Variants in MSI2 observed in about 807,000 individuals in gnomAD.
MSI2 encodes the protein musashi RNA binding protein 2.
A neutral mutation model predicts 45.6 loss-of-function variants in MSI2; 17 were observed. The observed-to-expected ratio is 0.37, with a 90% CI of 0.26 to 0.56. The LOEUF is 0.56. Ranked by LOEUF, MSI2 falls within the 20% of genes least tolerant of loss-of-function variation. The pLI is 0.77. For synonymous variants in MSI2, 156 were observed against 158.2 expected, an observed-to-expected ratio of 0.99 and a Z score of 0.11; for missense variants, 293 against 444.2, an observed-to-expected ratio of 0.66 and a Z score of 3.06.
At chr17:57,448,565 T>C (rs12601123) in intron 6 of MSI2, 68,186 of 152,094 alleles carry the variant, frequency 0.45, 17,376 homozygotes, top group South Asian at 0.69. Context: ...ACAAACATTC[T>C]ATGCTGGTTG....
At chr17:57,282,161 T>C (rs930353562) in intron 5 of MSI2, among the ~76,000 whole-genome samples, 1 of 152,118 alleles carries the variant, frequency 6.6e-6, no homozygotes, top group African/African-American at 2.4e-5. Context: ...GGTGACGGGT[T>C]CATTTCAAAC....
chr17:57,431,644 T>G (rs971775110), intron 6 of MSI2, among the ~76,000 whole-genome samples: 21 of 152,208 alleles, frequency 1.4e-4, no homozygotes, highest in African/African-American at 5.1e-4. Context: ...TGGAGCTGTT[T>G]GTCCAAGATC....
intron 7 of MSI2, among the ~76,000 whole-genome samples, chr17:57,541,916 G>A (rs1420659033): frequency 6.6e-6 from 1 of 152,136 alleles, no homozygotes; most frequent in African/African-American, 2.4e-5. Flanking sequence ...GTTGGTGCCT[G>A]CGTTCTAGCA....
intron 6 of MSI2, among the ~76,000 whole-genome samples, chr17:57,474,456 A>C (rs1319035742): frequency 6.6e-6 from 1 of 152,074 alleles, no homozygotes; most frequent in African/African-American, 2.4e-5. Context: ...TGTCGTGGGC[A>C]CTGTCCTGTG....
intron 5 of MSI2, among the ~76,000 whole-genome samples, chr17:57,379,322 C>T (rs565542809): frequency 3.9e-5 from 6 of 152,094 alleles, no homozygotes; most frequent in African/African-American, 1.2e-4. Flanking sequence ...TTTTCCCTCC[C>T]GCCCACCCTG....
intron 7 of MSI2, among the ~76,000 whole-genome samples, chr17:57,594,066 G>A (rs181343879): frequency 6.6e-6 from 1 of 152,328 alleles, no homozygotes; most frequent in East Asian, 1.9e-4. Context: ...TCAGACCCTG[G>A]AGGAGCAGAA....
At chr17:57,698,590 G>A in the MSI2 span, among the ~76,000 whole-genome samples, 4 of 152,228 alleles carry the variant, frequency 2.6e-5, no homozygotes, top group East Asian at 5.8e-4. Context: ...TGCAGGGTGC[G>A]CCTTCCGTGG....
At chr17:57,269,636 G>A (rs139474485) in intron 5 of MSI2, among the ~76,000 whole-genome samples, 2 of 152,152 alleles carry the variant, frequency 1.3e-5, no homozygotes, top group Admixed American at 1.3e-4. Flanking sequence ...CTTAACAAGG[G>A]ACCATGATAT....
chr17:57,534,800 C>G (rs1445570277), intron 7 of MSI2, among the ~76,000 whole-genome samples: 1 of 152,198 alleles, frequency 6.6e-6, no homozygotes, highest in Non-Finnish European at 1.5e-5. Context: ...ATGATTTGTG[C>G]CCAGGGGGAG....
intron 11 of MSI2, among the ~76,000 whole-genome samples, chr17:57,662,859 A>G (rs1015891305): frequency 6.6e-6 from 1 of 152,210 alleles, no homozygotes; most frequent in Non-Finnish European, 1.5e-5. Context: ...CACTCAGACC[A>G]ATGTCAGACA....
intron 6 of MSI2, among the ~76,000 whole-genome samples, chr17:57,431,283 G>C (rs1361408878): frequency 1.3e-5 from 2 of 152,200 alleles, no homozygotes; most frequent in Non-Finnish European, 2.9e-5. Flanking sequence ...ACAAAAATCA[G>C]AGCCCTGTGG....
At chr17:57,513,012 C>G (rs1032096885) in intron 6 of MSI2, among the ~76,000 whole-genome samples, 1 of 127,670 alleles carries the variant, frequency 7.8e-6, no homozygotes, top group Non-Finnish European at 1.6e-5. Flanking sequence ...CTCACTCTGT[C>G]TCCCAGGCTG....
rs189329102 is a variant in MSI2, at chr17:57,503,103, C to A, written c.406-26573C>A. Among the ~76,000 whole-genome samples the A allele has an allele frequency of 5.3e-5, 8 of 152,222 alleles. No homozygotes were observed. The East Asian group carries it at 1.5e-3, about 29-fold the overall frequency. On this transcript the variant is annotated intron_variant, in intron 6 of 13. Coordinates refer to ENST00000284073, the MANE Select transcript of MSI2 (RefSeq NM_138962.4). ...TATCTCCGTCTGTTCCATTGATTGTCCCCAGTTGGCTTTTCCCAAGCTGTC... is the reference window on the plus strand; with the variant it reads ...TATCTCCGTCTGTTCCATTGATTGTACCCAGTTGGCTTTTCCCAAGCTGTC...
chr17:57,332,918 G>A (rs988615776), intron 5 of MSI2, among the ~76,000 whole-genome samples: 2 of 152,062 alleles, frequency 1.3e-5, no homozygotes, highest in African/African-American at 2.4e-5. Context: ...CCAGCTACTC[G>A]GGAGGCTGAG....
At chr17:57,314,373 G>C (rs892137645) in intron 5 of MSI2, among the ~76,000 whole-genome samples, 10 of 152,226 alleles carry the variant, frequency 6.6e-5, no homozygotes, top group Non-Finnish European at 1.3e-4. Flanking sequence ...TTTTCAAGGA[G>C]ATGGAGTAAT....
chr17:57,669,471 G>T (rs1198400408), intron 11 of MSI2, among the ~76,000 whole-genome samples: 7 of 152,254 alleles, frequency 4.6e-5, no homozygotes, highest in Non-Finnish European at 1.0e-4. Flanking sequence ...TTCCCCAACT[G>T]CCTGGAGGAG....
intron 6 of MSI2, among the ~76,000 whole-genome samples, chr17:57,488,162 A>C (rs1342970206): frequency 6.6e-6 from 1 of 152,082 alleles, no homozygotes; most frequent in African/African-American, 2.4e-5. Flanking sequence ...ATTCCTCCAG[A>C]GGGTGGTACT....
the MSI2 span, among the ~76,000 whole-genome samples, chr17:57,696,167 G>A: frequency 6.6e-6 from 1 of 152,194 alleles, no homozygotes; most frequent in Non-Finnish European, 1.5e-5. Context: ...ACCCACTGCT[G>A]AGGCATGCTG....
At chr17:57,390,189 A>T (rs192721723) in intron 5 of MSI2, among the ~76,000 whole-genome samples, 18 of 152,320 alleles carry the variant, frequency 1.2e-4, no homozygotes, top group Non-Finnish European at 2.4e-4. Flanking sequence ...TCAGGAGTTA[A>T]GGCTGCAGTG....
Sources: gnomAD v4.1 joint callset for allele counts (sites outside exome capture counted in the v4.1 genomes callset) on GRCh38, gnomAD v4.1.1 for gene constraint, MANE v1.5 for transcripts, NCBI Gene and HGNC (gene_info 2026-07-23, HGNC 2026-07-21) for gene names.